Variants in ST3GAL3 observed in about 807,000 individuals in gnomAD.
ST3GAL3 encodes ST3 beta-galactoside alpha-2,3-sialyltransferase 3, also known as CMP-N-acetylneuraminate-beta-1,4-galactoside alpha-2,3-sialyltransferase.
A neutral mutation model predicts 50.1 loss-of-function variants in ST3GAL3; 21 were observed. The observed-to-expected ratio is 0.42, with a 90% CI of 0.30 to 0.60. The LOEUF (loss-of-function observed/expected upper bound fraction) is 0.60, where lower values mean the gene tolerates loss of function less well. Among genes scored for constraint, ST3GAL3 ranks in the 20% least tolerant of loss-of-function variants. The pLI, the probability that ST3GAL3 is intolerant of heterozygous loss-of-function variation, is 0.19. For missense variants in ST3GAL3, 353 were observed against 489.4 expected, an observed-to-expected ratio of 0.72 and a Z score of 2.63; for synonymous variants, 183 against 190.0, an observed-to-expected ratio of 0.96 and a Z score of 0.30.
At chr1:43,808,704 A>T (rs1328649584) in intron 3 of ST3GAL3, among the ~76,000 whole-genome samples, 1 of 152,180 alleles carries the variant, frequency 6.6e-6, no homozygotes, top group Admixed American at 6.5e-5. Flanking sequence ...ATCATCAGAG[A>T]GGAGAGACCT....
At chr1:43,753,987 G>A (rs144941760) in intron 2 of ST3GAL3, among the ~76,000 whole-genome samples, 1 of 152,260 alleles carries the variant, frequency 6.6e-6, no homozygotes, top group African/African-American at 2.4e-5. Flanking sequence ...CAGAACGTCA[G>A]TTCATTAGAG....
At chr1:43,778,792 C>A (rs1358473036) in intron 2 of ST3GAL3, among the ~76,000 whole-genome samples, 1 of 151,232 alleles carries the variant, frequency 6.6e-6, no homozygotes. Flanking sequence ...ACTACAGGCA[C>A]CCGCCACAAC....
intron 1 of ST3GAL3, among the ~76,000 whole-genome samples, chr1:43,729,779 G>A (rs758663386): frequency 1.3e-5 from 2 of 152,168 alleles, no homozygotes; most frequent in African/African-American, 2.4e-5. Flanking sequence ...ACTCTGTTAC[G>A]TTACAAATAG....
chr1:43,712,869 G>A (rs906692864), intron 1 of ST3GAL3, among the ~76,000 whole-genome samples: 4 of 152,112 alleles, frequency 2.6e-5, no homozygotes, highest in Non-Finnish European at 4.4e-5. Flanking sequence ...TGCAGAAATC[G>A]GTCAAGAATA....
chr1:43,829,319 T>C (rs2063228140), intron 4 of ST3GAL3, among the ~76,000 whole-genome samples: 1 of 152,152 alleles, frequency 6.6e-6, no homozygotes, highest in South Asian at 2.1e-4. Flanking sequence ...ATAATGTAAA[T>C]AAAAATAAAA....
In ST3GAL3 at chr1:43,894,369, C is replaced by T. The variant is rs2077070033; in HGVS notation, c.303-14C>T. ...TGCGTTTTTGTGATCCTCAGCAGTC[C>T]TGTTATATTCCAGGTTCTCCAAGCC... On this transcript the variant is annotated splice_polypyrimidine_tract_variant and intron_variant, in intron 5 of 11. Coordinates refer to ENST00000347631, the MANE Select transcript of ST3GAL3 (RefSeq NM_006279.5). 6.2e-7 allele frequency: 1 copy of T among 1,613,518 alleles called. No homozygotes were observed. The highest frequency in any genetic ancestry group is 1.1e-5 in the South Asian group (1 of 91,082).
At chr1:43,753,213 C>G (rs566629706) in intron 2 of ST3GAL3, among the ~76,000 whole-genome samples, 3 of 152,296 alleles carry the variant, frequency 2.0e-5, no homozygotes, top group African/African-American at 7.2e-5. Context: ...CCTGTACACG[C>G]GTGGGCATGA....
chr1:43,832,693 G>A (rs1310081923), intron 4 of ST3GAL3, among the ~76,000 whole-genome samples: 1 of 152,050 alleles, frequency 6.6e-6, no homozygotes, highest in Non-Finnish European at 1.5e-5. Flanking sequence ...ATCTATGGCA[G>A]TAAAGGCTAT....
chr1:43,791,985 G>C, intron 2 of ST3GAL3, 117 bp from the exon 3 acceptor site: 1 of 1,252,948 alleles, frequency 8.0e-7, no homozygotes, highest in East Asian at 2.3e-5. Flanking sequence ...TGGGCTGTTC[G>C]ACTGAGTTCC....
chr1:43,758,099 G>A (rs1688766726), intron 2 of ST3GAL3, among the ~76,000 whole-genome samples: 1 of 151,244 alleles, frequency 6.6e-6, no homozygotes, highest in Admixed American at 6.6e-5. Context: ...AGTATTAAAT[G>A]CGAATTAAAA....
intron 2 of ST3GAL3, among the ~76,000 whole-genome samples, chr1:43,791,752 C>T (rs2058105116): frequency 6.6e-6 from 1 of 152,236 alleles, no homozygotes; most frequent in East Asian, 1.9e-4. Context: ...GTGCCTTTAA[C>T]TAGATTCAGG....
intron 2 of ST3GAL3, among the ~76,000 whole-genome samples, chr1:43,754,533 C>T (rs1687346710): frequency 6.6e-6 from 1 of 152,098 alleles, no homozygotes; most frequent in Non-Finnish European, 1.5e-5. Flanking sequence ...GATGGCACCA[C>T]AAGTCGAAGG....
rs138862947 is a variant in ST3GAL3 at position 43,930,170 on chromosome 1, G to A, written c.1077G>A (p.Leu359=). The change falls in exon 12 of 12, where the codon CTG becomes CTA. Residue 359 remains leucine, a synonymous_variant. Coordinates refer to ENST00000347631, the MANE Select transcript of ST3GAL3 (RefSeq NM_006279.5). ...ATATCCAGCGAGAGAAAGAGTTTCT[G>A]CGGAAGCTGGTGAAAGCTCGCGTCA... ...THNIQREKEF[L]RKLVKARVIT... 6.2e-7 allele frequency: 1 copy of A among 1,614,048 alleles called. No individual in the cohort carries two copies. The highest frequency in any genetic ancestry group is 1.7e-5 in the Admixed American group (1 of 60,012).
intron 6 of ST3GAL3, 83 bp downstream of exon 6, chr1:43,894,560 A>G: frequency 1.6e-6 from 2 of 1,244,994 alleles, no homozygotes; most frequent in Non-Finnish European, 2.4e-6. Flanking sequence ...CATCCTCAGA[A>G]GTCCCCATGC....
At chr1:43,841,929 G>A (rs774031905) in intron 5 of ST3GAL3, 1 of 152,202 alleles carries the variant, frequency 6.6e-6, no homozygotes, top group Non-Finnish European at 1.5e-5. Context: ...GCTGTTAGGA[G>A]CAGCCAGTCA....
In ST3GAL3 at chr1:43,899,735, C is replaced by G. The variant is rs781512967; in HGVS notation, c.744+8C>G. 6.2e-7 allele frequency: 1 copy of G among 1,613,560 alleles called. No individual in the cohort carries two copies. On this transcript the variant is annotated splice_region_variant and intron_variant, in intron 9 of 11. Coordinates refer to ENST00000347631, the MANE Select transcript of ST3GAL3 (RefSeq NM_006279.5). The surrounding 1 kb of genome is among the most constrained non-coding windows in gnomAD (Gnocchi z 5.4). ...GTCTACAAGGAGAGAGTGGTAAGCTCTCCTGGCACCAGCTTCTTCCCCTCT... is the reference window on the plus strand; with the variant it reads ...GTCTACAAGGAGAGAGTGGTAAGCTGTCCTGGCACCAGCTTCTTCCCCTCT...
At chr1:43,736,481 G>C in intron 2 of ST3GAL3, 101 bp downstream of exon 2, 1 of 1,603,904 alleles carries the variant, frequency 6.2e-7, no homozygotes, top group Non-Finnish European at 8.5e-7. Context: ...GATGGGCAAT[G>C]AGAGTAAACT....
rs138238132 is a variant in ST3GAL3, at chr1:43,929,239, C to T, written c.1039-893C>T. ...TTTAATTATTCCACAATGTATACAT[C>T]TATCAAAACATCACATTCTACCCCA... On this transcript the variant is annotated intron_variant, in intron 11 of 11. Coordinates refer to ENST00000347631, the MANE Select transcript of ST3GAL3 (RefSeq NM_006279.5). 1.2e-3 allele frequency among the ~76,000 whole-genome samples: 185 copies of T among 152,228 alleles called. 1 individual carries two copies. Among genetic ancestry groups the T allele is most frequent in the African/African-American group, 4.3e-3 (180 of 41,552 alleles).
chr1:43,913,383 T>C (rs576853239), intron 9 of ST3GAL3: 2 of 152,208 alleles, frequency 1.3e-5, no homozygotes, highest in Admixed American at 6.5e-5. Context: ...CCCTATTGTA[T>C]GCACAAGGAA....
Sources: gnomAD v4.1 joint callset for allele counts (sites outside exome capture counted in the v4.1 genomes callset) on GRCh38, gnomAD v4.1.1 for gene constraint, Gnocchi (gnomAD v3.1) non-coding constraint, MANE v1.5 for transcripts, NCBI Gene and HGNC (gene_info 2026-07-23, HGNC 2026-07-21) for gene names.